Variants in CTNNA2 observed in about 807,000 individuals in gnomAD.
The protein encoded by CTNNA2 is catenin alpha-2.
A neutral mutation model predicts 101.0 loss-of-function variants in CTNNA2; 42 were observed. The ratio of observed to expected loss-of-function variants is 0.42; its 90% CI spans 0.32 to 0.54. CTNNA2 has a LOEUF of 0.54. CTNNA2 is among the 20% of genes least tolerant of loss of function. The pLI is 0.14. For synonymous variants in CTNNA2, 450 were observed against 456.4 expected, an observed-to-expected ratio of 0.99 and a Z score of 0.18; for missense variants, 871 against 1,223.1, an observed-to-expected ratio of 0.71 and a Z score of 4.29.
intron 3 of CTNNA2, among the ~76,000 whole-genome samples, chr2:79,843,824 T>C (rs1680002606): frequency 6.6e-6 from 1 of 152,138 alleles, no homozygotes; most frequent in Non-Finnish European, 1.5e-5. Flanking sequence ...GCTAAATTAC[T>C]CCAACTCCAA....
chr2:80,555,159 A>ATTAG (rs1553385304), intron 11 of CTNNA2, among the ~76,000 whole-genome samples: 1 of 152,100 alleles, frequency 6.6e-6, no homozygotes, highest in Non-Finnish European at 1.5e-5. Context: ...ACTGCGTGAT[A>ATTAG]TTTATTTTTC....
chr2:79,602,526 G>T (rs1046579339), intron 1 of CTNNA2, among the ~76,000 whole-genome samples: 6 of 152,106 alleles, frequency 3.9e-5, no homozygotes, highest in African/African-American at 7.2e-5. Flanking sequence ...ATAGTGATAC[G>T]TGGAAAAGAA....
At chr2:80,350,737 G>A (rs1359772134) in intron 7 of CTNNA2, among the ~76,000 whole-genome samples, 1 of 152,164 alleles carries the variant, frequency 6.6e-6, no homozygotes, top group Non-Finnish European at 1.5e-5. Flanking sequence ...ATATCTGGAA[G>A]ATAACTGCTT....
chr2:79,294,449 G>A (rs1210456573), intron 2 of CTNNA2, among the ~76,000 whole-genome samples: 1 of 152,144 alleles, frequency 6.6e-6, no homozygotes, highest in Admixed American at 6.6e-5. Flanking sequence ...GATTTGACAT[G>A]TGAACGTGGA....
chr2:79,378,704 A>G (rs72818694), intron 4 of CTNNA2, among the ~76,000 whole-genome samples: 6,005 of 152,258 alleles, frequency 0.039, 191 homozygotes, highest in Non-Finnish European at 0.058. Context: ...TCAGAAATAC[A>G]TTTACATGAG....
chr2:80,472,122 A>C (rs1397177714), intron 9 of CTNNA2, among the ~76,000 whole-genome samples: 2 of 151,674 alleles, frequency 1.3e-5, no homozygotes, highest in African/African-American at 4.8e-5. Flanking sequence ...TCCATCTCAA[A>C]AAAAAAAAAG....
chr2:80,077,782 C>T (rs1300672227), intron 7 of CTNNA2, among the ~76,000 whole-genome samples: 1 of 152,124 alleles, frequency 6.6e-6, no homozygotes, highest in Non-Finnish European at 1.5e-5. Context: ...TTAGTACTCA[C>T]TGGCAGCTGG....
intron 7 of CTNNA2, chr2:80,289,046 C>T (rs926485351): frequency 6.6e-6 from 1 of 152,042 alleles, no homozygotes; most frequent in East Asian, 1.9e-4. Flanking sequence ...TAATATGATG[C>T]GATAAATGGT....
intron 7 of CTNNA2, among the ~76,000 whole-genome samples, chr2:80,142,245 C>A (rs1242005861): frequency 3.3e-5 from 5 of 152,178 alleles, no homozygotes; most frequent in Admixed American, 1.3e-4. Flanking sequence ...TGCCTCCCCA[C>A]CTTTAAAAAC....
chr2:80,500,899 A>AT (rs774964627), intron 9 of CTNNA2, among the ~76,000 whole-genome samples: 7 of 151,718 alleles, frequency 4.6e-5, no homozygotes, highest in Non-Finnish European at 8.9e-5. Context: ...CAGAAGGCTC[A>AT]TTTTCTAACA....
chr2:80,437,712 A>G (rs1038818643), intron 9 of CTNNA2, among the ~76,000 whole-genome samples: 4 of 152,300 alleles, frequency 2.6e-5, no homozygotes, highest in African/African-American at 7.2e-5. Context: ...AACATACCAC[A>G]CACTGACCGG....
intron 6 of CTNNA2, among the ~76,000 whole-genome samples, chr2:79,894,032 C>A: frequency 6.9e-6 from 1 of 145,944 alleles, no homozygotes. Context: ...TCTTCTTCTT[C>A]TTCTTCTTCT....
chr2:79,364,216 T>C (rs1206140941), intron 3 of CTNNA2, among the ~76,000 whole-genome samples: 1 of 152,142 alleles, frequency 6.6e-6, no homozygotes, highest in Non-Finnish European at 1.5e-5. Flanking sequence ...CCAAGAAAAT[T>C]AGGACCAAAA....
chr2:80,291,214 C>T (rs921608342), intron 7 of CTNNA2, among the ~76,000 whole-genome samples: 6 of 152,320 alleles, frequency 3.9e-5, no homozygotes, highest in Non-Finnish European at 8.8e-5. Context: ...GGAAGTTCAT[C>T]GCTTTGCCTG....
chr2:80,480,737 A>G (rs955271473), intron 9 of CTNNA2, among the ~76,000 whole-genome samples: 2 of 152,100 alleles, frequency 1.3e-5, no homozygotes, highest in Non-Finnish European at 2.9e-5. Context: ...TTTTACGCTA[A>G]TTATCACATG....
chr2:79,636,512 G>C (rs2104392884), intron 1 of CTNNA2, among the ~76,000 whole-genome samples: 1 of 151,892 alleles, frequency 6.6e-6, no homozygotes, highest in Middle Eastern at 3.4e-3. Flanking sequence ...GGAGAGTATA[G>C]TATTCTATTC....
chr2:80,053,539 C>G (rs928636589), intron 7 of CTNNA2, among the ~76,000 whole-genome samples: 32 of 152,234 alleles, frequency 2.1e-4, no homozygotes, highest in African/African-American at 7.5e-4. Context: ...GGACTATGGA[C>G]TAATGACGCC....
At chr2:79,190,397 C>T (rs529319216) in intron 1 of CTNNA2, among the ~76,000 whole-genome samples, 1 of 152,132 alleles carries the variant, frequency 6.6e-6, no homozygotes, top group Non-Finnish European at 1.5e-5. Context: ...TGAATTTCAA[C>T]GTCTGTTTAA....
intron 3 of CTNNA2, among the ~76,000 whole-genome samples, chr2:79,777,283 C>A (rs890313343): frequency 6.6e-6 from 1 of 151,282 alleles, no homozygotes; most frequent in Non-Finnish European, 1.5e-5. Context: ...ACTATAAGAA[C>A]AGCCAATATT....
Sources: allele counts gnomAD v4.1 joint callset (sites outside exome capture counted in the v4.1 genomes callset), GRCh38; gene constraint gnomAD v4.1.1; transcripts MANE v1.5; gene names NCBI Gene and HGNC (gene_info 2026-07-23, HGNC 2026-07-21).